The following OOSP3 variants were observed in gnomAD, a reference collection of about 807,000 sequenced individuals.
The protein encoded by OOSP3 is oocyte-secreted protein 3.
At position 59,885,802 on chromosome 11, in the gene OOSP3, G is replaced by T. The variant is rs150104178; in HGVS notation, c.252+5363G>T. 7.9e-3 allele frequency among the ~76,000 whole-genome samples: 1,202 copies of T among 152,076 alleles called. 18 individuals are homozygous for T. Among genetic ancestry groups the T allele is most frequent in the African/African-American group, 0.027 (1,131 of 41,484 alleles). ...ATAGTTTCTTTTTGTGATGTCTTTGGTTTTAATATCAGGGCAATACATCAT... is the reference window on the plus strand; with the variant it reads ...ATAGTTTCTTTTTGTGATGTCTTTGTTTTTAATATCAGGGCAATACATCAT... On this transcript the variant is annotated intron_variant, in intron 2 of 4. Coordinates refer to ENST00000646438, the Ensembl canonical transcript of OOSP3.
intron 1 of OOSP3, 73 bp downstream of exon 1, chr11:59,878,954 T>A (rs1325680438): frequency 5.0e-6 from 2 of 397,938 alleles, no homozygotes; most frequent in Middle Eastern, 6.2e-4. Flanking sequence ...TACTGTTTGC[T>A]GTTTTGAGTG....
intron 2 of OOSP3, among the ~76,000 whole-genome samples, chr11:59,881,248 C>T (rs1266956195): frequency 6.6e-6 from 1 of 151,702 alleles, no homozygotes; most frequent in Non-Finnish European, 1.5e-5. Context: ...CTGTCCAGTC[C>T]CAGCTGCTCA....
Position 59,880,296 on chromosome 11 carries a change from G to A in OOSP3, c.109G>A (p.Val37Met), listed in dbSNP as rs566215982. 7.5e-6 allele frequency: 3 copies of A among 398,480 alleles called. No homozygotes were observed. The Admixed American group carries it at 1.3e-4, about 18-fold the overall frequency. The allele number at this position is 398,480 out of a possible 1,614,324, so 24.7% of individuals were successfully genotyped here. Residue 37 changes from valine to methionine, a missense_variant, in exon 2 of 5, where the codon GTG becomes ATG. Transcript: ENST00000646438. ...ATGTACTTCCTCTATGTTCTGGGTT[G>A]TGGCTGAACCAACTTTACTTGGTCA...
chr11:59,879,302 A>G (rs2134523432), intron 1 of OOSP3, among the ~76,000 whole-genome samples: 1 of 152,302 alleles, frequency 6.6e-6, no homozygotes, highest in Middle Eastern at 3.4e-3. Flanking sequence ...TTGAGAAAAT[A>G]AAGTTCTTCA....
exon 3 of OOSP3, chr11:59,894,173 A>G (rs1853335951): frequency 2.5e-5 from 10 of 398,452 alleles, no homozygotes; most frequent in Admixed American, 4.4e-5. Flanking sequence ...TGTATTGTAT[A>G]TGGGTGAGTA....
intron 2 of OOSP3, among the ~76,000 whole-genome samples, chr11:59,893,465 A>C (rs528012602): frequency 6.6e-6 from 1 of 152,218 alleles, no homozygotes; most frequent in East Asian, 1.9e-4. Flanking sequence ...TCCTGGACTC[A>C]AGTAATCCTC....
At chr11:59,894,317 A>G (rs1328610962) in intron 3 of OOSP3, 141 bp downstream of exon 3, 1 of 393,230 alleles carries the variant, frequency 2.5e-6, no homozygotes, top group Non-Finnish European at 4.5e-6. Context: ...ATGATGAGGT[A>G]TTTATCAATG....
At chr11:59,895,704 C>T (rs373091564) in intron 4 of OOSP3, 52 bp downstream of exon 4, 10 of 397,902 alleles carry the variant, frequency 2.5e-5, no homozygotes, top group Admixed American at 4.4e-5. Context: ...TAGAAATGAT[C>T]GTATTGACAT....
intron 2 of OOSP3, among the ~76,000 whole-genome samples, chr11:59,891,670 G>A (rs1406147986): frequency 6.6e-6 from 1 of 152,188 alleles, no homozygotes; most frequent in Non-Finnish European, 1.5e-5. Context: ...CCAGATGCCA[G>A]CTATTACTCT....
chr11:59,887,792 T>G (rs1002977852), intron 2 of OOSP3, among the ~76,000 whole-genome samples: 1 of 152,210 alleles, frequency 6.6e-6, no homozygotes, highest in Non-Finnish European at 1.5e-5. Flanking sequence ...TCTTTTTCGG[T>G]TCCATATGAT....
At chr11:59,894,579 C>G (rs918410821) in intron 3 of OOSP3, among the ~76,000 whole-genome samples, 2 of 152,214 alleles carry the variant, frequency 1.3e-5, no homozygotes, top group Non-Finnish European at 2.9e-5. Context: ...CCTACTGAGG[C>G]TAGGACTCTG....
intron 3 of OOSP3, among the ~76,000 whole-genome samples, chr11:59,894,469 CTCA>C (rs777118771): frequency 1.3e-5 from 2 of 152,140 alleles, no homozygotes; most frequent in African/African-American, 2.4e-5. Context: ...ACTTCCCACT[CTCA>C]TGATTCAGTG....
chr11:59,892,434 G>A (rs1445976934), intron 2 of OOSP3, among the ~76,000 whole-genome samples: 2 of 152,028 alleles, frequency 1.3e-5, no homozygotes, highest in Admixed American at 6.6e-5. Flanking sequence ...CCATCTCGGC[G>A]GGAGCTGCAG....
intron 2 of OOSP3, among the ~76,000 whole-genome samples, chr11:59,890,985 T>A (rs1202077825): frequency 6.6e-6 from 1 of 152,220 alleles, no homozygotes; most frequent in African/African-American, 2.4e-5. Context: ...TTCATTCTTT[T>A]TTCTCTAATC....
intron 2 of OOSP3, among the ~76,000 whole-genome samples, chr11:59,893,813 C>A (rs1464348817): frequency 6.6e-6 from 1 of 152,178 alleles, no homozygotes; most frequent in Non-Finnish European, 1.5e-5. Context: ...AGCTGTAGCC[C>A]TTGTTCCTAG....
chr11:59,881,678 G>C (rs1273605896), intron 2 of OOSP3, among the ~76,000 whole-genome samples: 2 of 152,160 alleles, frequency 1.3e-5, no homozygotes, highest in African/African-American at 2.4e-5. Context: ...AAGAGTTTGA[G>C]ACCAGCCTGG....
chr11:59,894,915 A>T (rs1211839330), intron 3 of OOSP3, among the ~76,000 whole-genome samples: 1 of 152,162 alleles, frequency 6.6e-6, no homozygotes, highest in Non-Finnish European at 1.5e-5. Flanking sequence ...AGATCAAATT[A>T]AAAAACTCTT....
Position 59,894,200 on chromosome 11 carries a change from TCA to T in OOSP3, c.350+27_350+28del, listed in dbSNP as rs200170614. The T allele has an allele frequency of 1.9e-3, 760 of 398,532 alleles. 4 individuals are homozygous for T. Among genetic ancestry groups the T allele is most frequent in the African/African-American group, 0.013 (646 of 48,746 alleles). 24.7% of individuals were successfully genotyped at this position (398,532 alleles called of 1,614,324 possible). ...GGGTGAGTATAATGAACCAGATGGT[TCA>T]CAGTTTACCCTCTAAGAACTAATGA... is the stretch of plus-strand genomic sequence containing the variant. On this transcript the variant is annotated intron_variant, in intron 3 of 4. Coordinates refer to ENST00000646438, the Ensembl canonical transcript of OOSP3.
intron 2 of OOSP3, among the ~76,000 whole-genome samples, chr11:59,884,475 G>GTCTGTCTGTCTCTCTC (rs1293196028): frequency 7.0e-5 from 8 of 113,876 alleles, no homozygotes; most frequent in African/African-American, 2.9e-4. Flanking sequence ...CTGTCTGTCT[G>GTCTGTCTGTCTCTCTC]TCTCTCTCTC....
Sources: gnomAD v4.1 joint callset for allele counts (sites outside exome capture counted in the v4.1 genomes callset) on GRCh38, gnomAD v4.1.1 for gene constraint, MANE v1.5 for transcripts, NCBI Gene and HGNC (gene_info 2026-07-23, HGNC 2026-07-21) for gene names.